ITGB2: variants seen among roughly 807,000 people sequenced by gnomAD.
ITGB2 encodes integrin subunit beta 2.
A neutral mutation model predicts 86.8 loss-of-function variants in ITGB2; 56 were observed. The ratio of observed to expected loss-of-function variants is 0.65; its 90% CI spans 0.52 to 0.81. ITGB2 has a LOEUF of 0.81. ITGB2 is among the 30% of genes least tolerant of loss of function. The probability of loss-of-function intolerance (pLI) is 0.00; values close to 1 mark genes in which losing one functional copy is unlikely to be tolerated. For synonymous variants in ITGB2, 457 were observed against 450.4 expected, an observed-to-expected ratio of 1.01 and a Z score of -0.19; for missense variants, 948 against 1,061.2, an observed-to-expected ratio of 0.89 and a Z score of 1.48.
intron 8 of ITGB2, among the ~76,000 whole-genome samples, chr21:44,896,743 G>A (rs948885936): frequency 6.6e-6 from 1 of 152,208 alleles, no homozygotes; most frequent in Non-Finnish European, 1.5e-5. Context: ...CGTGGCACGT[G>A]TGTCCACACT....
intron 7 of ITGB2, among the ~76,000 whole-genome samples, chr21:44,900,037 C>T (rs2083927230): frequency 6.8e-6 from 1 of 147,964 alleles, no homozygotes; most frequent in Admixed American, 6.6e-5. Context: ...CAGCAGCTGT[C>T]AGCCCAGGTA....
chr21:44,903,591 TG>T (rs890866570), intron 4 of ITGB2, 56 bp from the exon 5 acceptor site: 33 of 1,603,978 alleles, frequency 2.1e-5, no homozygotes, highest in Non-Finnish European at 2.7e-5. Context: ...ACAGGGTGTC[TG>T]GGGGCGTGTG....
At position 44,900,202 on chromosome 21, in the gene ITGB2, C is replaced by T. The variant is rs2083930702; in HGVS notation, c.897+118G>A. The T allele has an allele frequency of 2.9e-6, 4 of 1,373,154 alleles. No individual in the cohort carries two copies. The South Asian group carries it at 4.8e-5, about 17-fold the overall frequency. The allele number at this position is 1,373,154 out of a possible 1,614,324, so 85.1% of individuals were successfully genotyped here. On this transcript the variant is annotated intron_variant, in intron 7 of 15. Coordinates refer to ENST00000652462, the MANE Select transcript of ITGB2 (RefSeq NM_000211.5). ...GCCACTTGGGGCTTCCAGAAGTTTC[C>T]TCAGGAATCTGCTCCTTGGGTCAGA... is the stretch of plus-strand genomic sequence containing the variant.
At chr21:44,924,699 C>G (rs550349588), upstream of ITGB2, among the ~76,000 whole-genome samples, 10 of 152,204 alleles carry the variant, frequency 6.6e-5, no homozygotes, top group Admixed American at 3.9e-4. Flanking sequence ...AAAAAAACAG[C>G]ACTCCTGAAA....
upstream of ITGB2, among the ~76,000 whole-genome samples, chr21:44,922,657 A>AACT: frequency 1.3e-5 from 1 of 75,060 alleles, no homozygotes; most frequent in Non-Finnish European, 2.3e-5. Flanking sequence ...TGGGTAACTG[A>AACT]GAAAAAAAAA....
exon 1 of ITGB2, chr21:44,928,724 T>C (rs1205153104): frequency 5.9e-6 from 1 of 170,584 alleles, no homozygotes; most frequent in Non-Finnish European, 1.3e-5. Context: ...TTTCTGATAC[T>C]TGACATATTT....
chr21:44,891,528 C>T (rs1363815100), intron 11 of ITGB2, among the ~76,000 whole-genome samples: 1 of 152,228 alleles, frequency 6.6e-6, no homozygotes, highest in Admixed American at 6.5e-5. Flanking sequence ...GGGGGTCCTC[C>T]TGCCCACAAG....
At chr21:44,887,522 C>T (rs2146492934) in intron 14 of ITGB2, among the ~76,000 whole-genome samples, 1 of 152,196 alleles carries the variant, frequency 6.6e-6, no homozygotes, top group East Asian at 1.9e-4. Flanking sequence ...TCCCTGTACC[C>T]CTCCTGCCAT....
intron 8 of ITGB2, among the ~76,000 whole-genome samples, chr21:44,898,104 A>G (rs1248283409): frequency 6.6e-6 from 1 of 152,098 alleles, no homozygotes; most frequent in Non-Finnish European, 1.5e-5. Flanking sequence ...CCACAGTGTG[A>G]TTTGGGGTGG....
chr21:44,903,816 T>C lies in ITGB2; in HGVS notation c.329-281A>G, dbSNP rs2838733. 0.31 allele frequency among the ~76,000 whole-genome samples: 46,383 copies of C among 152,040 alleles called. 7,368 individuals carry two copies. Among genetic ancestry groups the C allele is most frequent in the African/African-American group, 0.38 (15,929 of 41,450 alleles). The stretch of plus-strand genomic sequence containing the variant: ...GTGCTTAGAGTTGACGCCAGCGACA[T>C]TGGGGACGCCTTTCATTGAGAGTGG... On this transcript the variant is annotated intron_variant, in intron 4 of 15. Coordinates refer to ENST00000652462, the MANE Select transcript of ITGB2 (RefSeq NM_000211.5).
At chr21:44,912,555 C>G (rs1407730186) in intron 1 of ITGB2, among the ~76,000 whole-genome samples, 1 of 152,238 alleles carries the variant, frequency 6.6e-6, no homozygotes, top group African/African-American at 2.4e-5. Context: ...AAAACAGAAC[C>G]TGCACCCTGC....
At position 44,900,489 on chromosome 21, in the gene ITGB2, G is replaced by T. The variant is rs183204825; in HGVS notation, c.742-14C>A. Reference sequence around the variant, plus strand: ...GCCGATTTCCTCCTGAGAAGAAGGCGTGGGGGGCAGGGTTACCTGCCTCAG... The same window carrying T: ...GCCGATTTCCTCCTGAGAAGAAGGCTTGGGGGGCAGGGTTACCTGCCTCAG... On this transcript the variant is annotated splice_polypyrimidine_tract_variant and intron_variant, in intron 6 of 15. Transcript: ENST00000652462. The T allele has an allele frequency of 8.1e-6, 13 of 1,613,372 alleles. No homozygotes were observed. Among genetic ancestry groups the T allele is most frequent in the Non-Finnish European group, 9.3e-6 (11 of 1,179,852 alleles).
Position 44,910,799 on chromosome 21 carries a change from G to T in ITGB2, c.-3-14C>A, listed in dbSNP as rs988528138. On this transcript the variant is annotated splice_polypyrimidine_tract_variant and intron_variant, in intron 1 of 15. Transcript: ENST00000652462. Reference sequence around the variant, plus strand: ...GCCCAGCATGTCCTGTGGAGGGAAGGGGTCTTGGTGACGGTCTCAGGCCCA... The same window carrying T: ...GCCCAGCATGTCCTGTGGAGGGAAGTGGTCTTGGTGACGGTCTCAGGCCCA... 3.1e-6 allele frequency: 5 copies of T among 1,611,472 alleles called. No homozygotes were observed. The highest frequency in any genetic ancestry group is 2.7e-5 in the African/African-American group (2 of 74,930).
chr21:44,896,245 A>G (rs1360051521), intron 8 of ITGB2, among the ~76,000 whole-genome samples: 1 of 152,234 alleles, frequency 6.6e-6, no homozygotes, highest in Non-Finnish European at 1.5e-5. Flanking sequence ...ACAGGTAGGG[A>G]ATTCCTACCA....
intron 5 of ITGB2, among the ~76,000 whole-genome samples, chr21:44,902,164 G>A (rs533819015): frequency 4.1e-4 from 62 of 152,332 alleles, no homozygotes; most frequent in African/African-American, 1.1e-3. Flanking sequence ...CCTAGTTCAC[G>A]TAGGTGACCA....
Position 44,908,156 on chromosome 21 carries a change from G to T in ITGB2, c.148-1061C>A, listed in dbSNP as rs145977769. The T allele has an allele frequency of 5.7e-3, 4,248 of 744,834 alleles. 16 individuals are homozygous for T. The highest frequency in any genetic ancestry group is 7.4e-3 in the Non-Finnish European group (2,946 of 400,442). The allele number at this position is 744,834 out of a possible 1,614,324, so 46.1% of individuals were successfully genotyped here. On this transcript the variant is annotated intron_variant, in intron 3 of 15. Coordinates refer to ENST00000652462, the MANE Select transcript of ITGB2 (RefSeq NM_000211.5). The stretch of plus-strand genomic sequence containing the variant: ...TCCGGGGACTGCTCGCCGCGGTGGC[G>T]TGGGCTGGAGGACCCAAAGCCGCTC...
At position 44,905,825 on chromosome 21, in the gene ITGB2, G is replaced by A. The variant is rs538194163; in HGVS notation, c.328+1090C>T. The stretch of plus-strand genomic sequence containing the variant: ...TCTCCCAGCTGCCTCCCTCCCGGCT[G>A]CTGCTGGCTGTCACCTGGCCGCCTG... On this transcript the variant is annotated intron_variant, in intron 4 of 15. Coordinates refer to ENST00000652462, the MANE Select transcript of ITGB2 (RefSeq NM_000211.5). Among the ~76,000 whole-genome samples the A allele has an allele frequency of 5.3e-5, 8 of 152,120 alleles. No individual in the cohort carries two copies. The South Asian group carries it at 1.2e-3, about 24-fold the overall frequency.
At position 44,910,382 on chromosome 21, in the gene ITGB2, G is replaced by C; in HGVS notation, c.59-10C>G. 1 of 1,614,104 alleles carries C rather than the reference G, an allele frequency of 6.2e-7. No homozygotes were observed. Among genetic ancestry groups the C allele is most frequent in the Non-Finnish European group, 8.5e-7 (1 of 1,180,012 alleles). ...CACTCCTGAGAGAGGACTGAGGGAC[G>C]AGGCCGGCTGGTGAGTGGGTGCTCT... On this transcript the variant is annotated splice_polypyrimidine_tract_variant and intron_variant, in intron 2 of 15. Transcript: ENST00000652462.
In ITGB2 at chr21:44,901,705, C is replaced by G. The variant is rs200639854; in HGVS notation, c.528G>C (p.Val176=). ...IGFGSFVDKT[V]LPFVNTHPDK... is the part of the protein sequence containing the mutation. ...CAGGGTGCGTGTTCACGAACGGCAG[C>G]ACGGTCTTGTCCACGAAGGACCCGA... Residue 176 remains valine (V), a synonymous_variant, in exon 6 of 16, where the codon GTG becomes GTC. Coordinates refer to ENST00000652462, the MANE Select transcript of ITGB2 (RefSeq NM_000211.5). 5.6e-6 allele frequency: 9 copies of G among 1,612,798 alleles called. No homozygotes were observed. The East Asian group carries it at 1.8e-4, about 32-fold the overall frequency.
Sources: allele counts gnomAD v4.1 joint callset (sites outside exome capture counted in the v4.1 genomes callset), GRCh38; gene constraint gnomAD v4.1.1; transcripts MANE v1.5; gene names NCBI Gene and HGNC (gene_info 2026-07-23, HGNC 2026-07-21).